The following ASIC2 variants were observed in gnomAD, a reference collection of about 807,000 sequenced individuals.
The protein encoded by ASIC2 is acid sensing ion channel subunit 2.
In ASIC2, 25 loss-of-function variants were observed where a neutral mutation model predicts 57.3. The ratio of observed to expected loss-of-function variants is 0.44; its 90% confidence interval spans 0.32 to 0.61. The LOEUF (loss-of-function observed/expected upper bound fraction) is 0.61, where lower values mean the gene tolerates loss of function less well. ASIC2 is among the 20% of genes least tolerant of loss of function. The probability of loss-of-function intolerance (pLI) is 0.06; values close to 1 mark genes in which losing one functional copy is unlikely to be tolerated. For missense variants in ASIC2, 641 were observed against 738.1 expected, an observed-to-expected ratio of 0.87 and a Z score of 1.52; for synonymous variants, 319 against 307.5, an observed-to-expected ratio of 1.04 and a Z score of -0.39.
intron 1 of ASIC2, among the ~76,000 whole-genome samples, chr17:33,444,416 A>G (rs1911937544): frequency 6.6e-6 from 1 of 152,232 alleles, no homozygotes. Context: ...AAGAGGTCAT[A>G]GAAATAGTGA....
At chr17:33,914,673 G>T (rs1473558350) in intron 1 of ASIC2, among the ~76,000 whole-genome samples, 1 of 152,162 alleles carries the variant, frequency 6.6e-6, no homozygotes, top group Non-Finnish European at 1.5e-5. Context: ...CCTGCTCAAG[G>T]TTACACAGAC....
chr17:33,132,866 C>T (rs1404624441), intron 1 of ASIC2, among the ~76,000 whole-genome samples: 1 of 152,130 alleles, frequency 6.6e-6, no homozygotes, highest in Non-Finnish European at 1.5e-5. Context: ...TGTGTTGGCT[C>T]AGTCCATTCT....
chr17:33,917,599 TTTC>T (rs925815494), intron 1 of ASIC2, among the ~76,000 whole-genome samples: 1 of 152,172 alleles, frequency 6.6e-6, no homozygotes, highest in African/African-American at 2.4e-5. Flanking sequence ...CACACTCCGG[TTTC>T]TTCTTCTTTA....
At chr17:33,576,505 C>T (rs1459211756) in intron 1 of ASIC2, among the ~76,000 whole-genome samples, 1 of 152,120 alleles carries the variant, frequency 6.6e-6, no homozygotes, top group African/African-American at 2.4e-5. Flanking sequence ...ATCAGAACAG[C>T]ATAGATAGTA....
rs1911691262 is a variant in ASIC2 at position 33,789,092 on chromosome 17, T to A, written c.555+366886A>T. Among the ~76,000 whole-genome samples, 4 of 152,212 alleles carry A rather than the reference T, an allele frequency of 2.6e-5. No individual in the cohort carries two copies. In the South Asian group the frequency reaches 8.3e-4, roughly 32 times the overall value. ...CTGGCTGCTCTTGCAGTGTAAGACATGCCTGCCCCGTTCAGCTTCTGCCAT... is the reference window on the plus strand; with the variant it reads ...CTGGCTGCTCTTGCAGTGTAAGACAAGCCTGCCCCGTTCAGCTTCTGCCAT... On this transcript the variant is annotated intron_variant, in intron 1 of 9. Transcript: ENST00000359872.
Position 34,156,104 on chromosome 17 carries a change from G to A in ASIC2, c.429C>T (p.Phe143=). The stretch of plus-strand genomic sequence containing the variant: ...TGAACTGCTTGGGTTTGTAGTGCTT[G>A]AAGTTGGCCTTCTGCCGCAGGGCCT... Residue 143 remains phenylalanine, a synonymous_variant, in exon 1 of 10, where the codon TTC becomes TTT. Coordinates refer to the ASIC2 transcript ENST00000359872. This position sits in a 1 kb window ranked among gnomAD's most constrained non-coding sequence, Gnocchi z 4.4. 6.2e-7 allele frequency: 1 copy of A among 1,614,132 alleles called. No homozygotes were observed. The highest frequency in any genetic ancestry group is 8.5e-7 in the Non-Finnish European group (1 of 1,180,040).
At chr17:33,051,017 C>T (rs2091973248) in intron 3 of ASIC2, among the ~76,000 whole-genome samples, 1 of 152,134 alleles carries the variant, frequency 6.6e-6, no homozygotes, top group African/African-American at 2.4e-5. Context: ...TTTCAACAGT[C>T]TAATGTTGAA....
At chr17:33,909,465 G>A (rs1915415934) in intron 1 of ASIC2, among the ~76,000 whole-genome samples, 1 of 152,206 alleles carries the variant, frequency 6.6e-6, no homozygotes, top group Non-Finnish European at 1.5e-5. Flanking sequence ...GAGAGAAAGC[G>A]GGAAGAAGAT....
At chr17:33,498,734 C>T (rs1447470787) in intron 1 of ASIC2, among the ~76,000 whole-genome samples, 5 of 152,128 alleles carry the variant, frequency 3.3e-5, no homozygotes, top group Middle Eastern at 3.2e-3. Flanking sequence ...GATGATACCA[C>T]GTGGAAAGTG....
chr17:33,043,718 C>T (rs898201855), intron 3 of ASIC2, among the ~76,000 whole-genome samples: 3 of 152,210 alleles, frequency 2.0e-5, no homozygotes, highest in African/African-American at 7.2e-5. Context: ...CTCAGCATGA[C>T]TTCCCCACAA....
In ASIC2 at chr17:33,735,783, G is replaced by C. The variant is rs560701948; in HGVS notation, c.555+420195C>G. Among the ~76,000 whole-genome samples the C allele has an allele frequency of 2.0e-5, 3 of 152,170 alleles. No individual in the cohort carries two copies. The East Asian group carries it at 5.8e-4, about 30-fold the overall frequency. ...TGAATCAATTCTAATGATTAGAAGGGTCTCCCTCCCTTCTAACTGCTGCTG... is the reference window on the plus strand; with the variant it reads ...TGAATCAATTCTAATGATTAGAAGGCTCTCCCTCCCTTCTAACTGCTGCTG... On this transcript the variant is annotated intron_variant, in intron 1 of 9. Coordinates refer to the ASIC2 transcript ENST00000359872.
chr17:33,385,355 C>T (rs1302864171), intron 1 of ASIC2, among the ~76,000 whole-genome samples: 1 of 152,158 alleles, frequency 6.6e-6, no homozygotes, highest in Non-Finnish European at 1.5e-5. Flanking sequence ...CTGCTTTCTC[C>T]TGAGTGAACC....
intron 1 of ASIC2, among the ~76,000 whole-genome samples, chr17:33,701,331 A>C (rs1453612248): frequency 6.6e-6 from 1 of 152,214 alleles, no homozygotes; most frequent in East Asian, 1.9e-4. Flanking sequence ...TTCTGCACAA[A>C]GTATATGATT....
chr17:33,827,521 T>C (rs1912967024), intron 1 of ASIC2, among the ~76,000 whole-genome samples: 2 of 148,726 alleles, frequency 1.3e-5, no homozygotes, highest in African/African-American at 5.0e-5. Flanking sequence ...TTTTTTTGTA[T>C]TTTTAGTAAA....
chr17:34,137,779 C>T (rs1202172429), intron 1 of ASIC2, among the ~76,000 whole-genome samples: 1 of 152,108 alleles, frequency 6.6e-6, no homozygotes, highest in Non-Finnish European at 1.5e-5. Context: ...ATAGATGGTG[C>T]CTTCTAGCTG....
At chr17:33,893,458 G>A (rs575568022) in intron 1 of ASIC2, among the ~76,000 whole-genome samples, 1 of 152,246 alleles carries the variant, frequency 6.6e-6, no homozygotes, top group African/African-American at 2.4e-5. Flanking sequence ...GGTCAGGTAT[G>A]GCAAATAGAT....
intron 1 of ASIC2, among the ~76,000 whole-genome samples, chr17:33,488,402 T>C (rs950965611): frequency 6.6e-6 from 1 of 152,190 alleles, no homozygotes; most frequent in African/African-American, 2.4e-5. Context: ...ACACTGCATA[T>C]CCTTTATTAT....
intron 1 of ASIC2, among the ~76,000 whole-genome samples, chr17:33,689,452 C>T (rs906012441): frequency 2.4e-4 from 36 of 152,286 alleles, no homozygotes; most frequent in African/African-American, 8.2e-4. Context: ...CCAGTGGTGT[C>T]AATCAAAAAT....
At chr17:33,275,597 A>G (rs1207413907) in intron 1 of ASIC2, among the ~76,000 whole-genome samples, 2 of 152,182 alleles carry the variant, frequency 1.3e-5, no homozygotes, top group Non-Finnish European at 2.9e-5. Flanking sequence ...AAGTCACTCC[A>G]CTTGCCTGGG....
Sources: gnomAD v4.1 joint callset for allele counts (sites outside exome capture counted in the v4.1 genomes callset) on GRCh38, gnomAD v4.1.1 for gene constraint, Gnocchi (gnomAD v3.1) non-coding constraint, MANE v1.5 for transcripts, NCBI Gene and HGNC (gene_info 2026-07-23, HGNC 2026-07-21) for gene names.